The following JHY variants were observed in gnomAD, a reference collection of about 807,000 sequenced individuals.
JHY encodes the protein jhy protein homolog.
In JHY, 69 loss-of-function variants were observed where a neutral mutation model predicts 78.0. The ratio of observed to expected loss-of-function variants is 0.88; its 90% CI spans 0.73 to 1.08. The LOEUF is 1.08. Ranked by LOEUF, JHY falls within the 50% of genes least tolerant of loss-of-function variation. JHY has a pLI of 0.00. For missense variants in JHY, 944 were observed against 927.8 expected, an observed-to-expected ratio of 1.02 and a Z score of -0.23; for synonymous variants, 368 against 342.6, an observed-to-expected ratio of 1.07 and a Z score of -0.82.
intron 3 of JHY, among the ~76,000 whole-genome samples, chr11:122,921,981 A>C (rs1863376280): frequency 6.6e-6 from 1 of 152,206 alleles, no homozygotes; most frequent in African/African-American, 2.4e-5. Context: ...ATCTGGAAAA[A>C]AAAAAGAGAG....
chr11:122,953,108 A>G (rs1426484153), intron 6 of JHY, among the ~76,000 whole-genome samples: 1 of 152,216 alleles, frequency 6.6e-6, no homozygotes, highest in African/African-American at 2.4e-5. Context: ...TTCTATGGCT[A>G]TTAACGTATC....
At chr11:122,944,353 T>C (rs1863925849) in intron 5 of JHY, among the ~76,000 whole-genome samples, 1 of 152,236 alleles carries the variant, frequency 6.6e-6, no homozygotes, top group African/African-American at 2.4e-5. Context: ...AGAATTTTCT[T>C]TATTTTTCCT....
chr11:122,906,528 A>G (rs1177022071), intron 3 of JHY, among the ~76,000 whole-genome samples: 27 of 152,144 alleles, frequency 1.8e-4, no homozygotes, highest in Non-Finnish European at 7.4e-5. Flanking sequence ...TTTATCTCAA[A>G]CTAGGACAAT....
intron 5 of JHY, among the ~76,000 whole-genome samples, chr11:122,938,444 C>T (rs1422844335): frequency 6.6e-6 from 1 of 152,050 alleles, no homozygotes; most frequent in African/African-American, 2.4e-5. Context: ...GAATGCTCCT[C>T]GTTTTATAGC....
rs369843295 is a variant in JHY at position 122,946,686 on chromosome 11, C to T, written c.1823C>T (p.Ser608Leu). 6.2e-7 allele frequency: 1 copy of T among 1,613,894 alleles called. No individual in the cohort carries two copies. The highest frequency in any genetic ancestry group is 1.3e-5 in the African/African-American group (1 of 74,894). ...SRVESESQLSSERSQRNQVKI... is the reference protein window; with the variant it reads ...SRVESESQLSLERSQRNQVKI... ...GTAGAAAGTGAATCCCAACTCAGTT[C>T]AGAGAGAAGCCAAAGAAACCAAGTG... Residue 608 changes from serine (S) to leucine (L), a missense_variant, in exon 6 of 9, where the codon TCA (serine) becomes TTA (leucine). Physicochemically the swap from Ser to Leu is moderately radical, Grantham distance 145. Coordinates refer to ENST00000227349, the MANE Select transcript of JHY (RefSeq NM_024806.4).
intron 4 of JHY, 77 bp downstream of exon 4, chr11:122,925,087 T>C: frequency 8.8e-7 from 1 of 1,142,508 alleles, no homozygotes. Flanking sequence ...ACTGAGTTCT[T>C]ATCACTTAAG....
Position 122,934,574 on chromosome 11 carries a change from C to G in JHY, c.1133C>G (p.Ser378Cys). 1 of 1,614,116 alleles carries G rather than the reference C, an allele frequency of 6.2e-7. No homozygotes were observed. Among genetic ancestry groups the G allele is most frequent in the South Asian group, 1.1e-5 (1 of 91,078 alleles). The part of the protein sequence containing the change: ...KQCKHQNGLK[S>C]STTEEVTASQ... ...TGTAAACACCAGAATGGCCTGAAGTCTTCCACAACGGAAGAGGTGACTGCC... is the reference window on the plus strand; with the variant it reads ...TGTAAACACCAGAATGGCCTGAAGTGTTCCACAACGGAAGAGGTGACTGCC... The change falls in exon 5 of 9, where the codon TCT becomes TGT. Residue 378 changes from serine (S) to cysteine (C), a missense_variant. Ser to Cys is a moderately radical substitution (Grantham distance 112). Transcript: ENST00000227349.
chr11:122,949,129 G>A (rs894715571), intron 6 of JHY, among the ~76,000 whole-genome samples: 1 of 151,830 alleles, frequency 6.6e-6, no homozygotes, highest in Non-Finnish European at 1.5e-5. Context: ...GGGAGTACCA[G>A]TACGAACAAA....
At chr11:122,934,184 A>G (rs1004823225) in intron 4 of JHY, among the ~76,000 whole-genome samples, 2 of 151,974 alleles carry the variant, frequency 1.3e-5, no homozygotes, top group African/African-American at 4.8e-5. Flanking sequence ...TCAACCCCCA[A>G]TTTGGAAAAC....
Position 122,883,321 on chromosome 11 carries a change from A to G in JHY, c.-90+349A>G, listed in dbSNP as rs1199167585. Among the ~76,000 whole-genome samples, 1 of 152,138 alleles carries G rather than the reference A, an allele frequency of 6.6e-6. No individual in the cohort carries two copies. Among genetic ancestry groups the G allele is most frequent in the Non-Finnish European group, 1.5e-5 (1 of 68,022 alleles). On this transcript the variant is annotated intron_variant, in intron 1 of 8. Transcript: ENST00000227349. The surrounding 1 kb of genome is among the most constrained non-coding windows in gnomAD (Gnocchi z 4.4). ...AGGAACAAGCAAAGGTAGAAAACCG[A>G]ACGCCTCCCCTGGGCAGCTTCCGGC... is the stretch of plus-strand genomic sequence containing the variant.
intron 3 of JHY, among the ~76,000 whole-genome samples, chr11:122,914,429 G>A (rs1486139647): frequency 6.6e-6 from 1 of 151,478 alleles, no homozygotes; most frequent in African/African-American, 2.4e-5. Context: ...TTTTTGTTTT[G>A]TTTTGTTTTT....
intron 3 of JHY, among the ~76,000 whole-genome samples, chr11:122,924,306 G>A (rs968371351): frequency 2.0e-5 from 3 of 152,054 alleles, no homozygotes; most frequent in Non-Finnish European, 2.9e-5. Flanking sequence ...TGCAGGCTCC[G>A]GAGATAGACC....
intron 3 of JHY, among the ~76,000 whole-genome samples, chr11:122,922,186 C>CCT (rs1863380856): frequency 6.6e-6 from 1 of 152,102 alleles, no homozygotes; most frequent in Non-Finnish European, 1.5e-5. Context: ...AATGAAAATT[C>CCT]AAGCACAAAA....
chr11:122,938,489 T>C (rs901253217), intron 5 of JHY, among the ~76,000 whole-genome samples: 1 of 152,178 alleles, frequency 6.6e-6, no homozygotes, highest in Non-Finnish European at 1.5e-5. Context: ...ACATCCTTTT[T>C]TCTCAACGTC....
At chr11:122,895,051 A>G (rs1167042040) in intron 2 of JHY, among the ~76,000 whole-genome samples, 1 of 152,186 alleles carries the variant, frequency 6.6e-6, no homozygotes, top group Non-Finnish European at 1.5e-5. Context: ...GATTTATTTC[A>G]TTTTATTTAC....
chr11:122,908,170 C>G (rs184260835), intron 3 of JHY, among the ~76,000 whole-genome samples: 1 of 152,030 alleles, frequency 6.6e-6, no homozygotes, highest in Non-Finnish European at 1.5e-5. Context: ...TGAGAATCAC[C>G]GATCTAGAGC....
chr11:122,938,475 T>A (rs777229695), intron 5 of JHY, among the ~76,000 whole-genome samples: 113 of 152,306 alleles, frequency 7.4e-4, no homozygotes, highest in Non-Finnish European at 1.3e-3. Context: ...TGTTCATGGA[T>A]ACAACATCCT....
At chr11:122,943,356 A>G (rs779266409) in intron 5 of JHY, among the ~76,000 whole-genome samples, 1 of 152,182 alleles carries the variant, frequency 6.6e-6, no homozygotes, top group Non-Finnish European at 1.5e-5. Flanking sequence ...ATATTTTTTG[A>G]TACTTGTTTT....
intron 4 of JHY, among the ~76,000 whole-genome samples, chr11:122,930,178 G>A (rs775512837): frequency 3.3e-5 from 5 of 152,144 alleles, no homozygotes; most frequent in Non-Finnish European, 5.9e-5. Flanking sequence ...CCTCCCAGGT[G>A]CAAGCGATTC....
Sources: gnomAD v4.1 joint callset for allele counts (sites outside exome capture counted in the v4.1 genomes callset) on GRCh38, gnomAD v4.1.1 for gene constraint, Gnocchi (gnomAD v3.1) non-coding constraint, MANE v1.5 for transcripts, NCBI Gene and HGNC (gene_info 2026-07-23, HGNC 2026-07-21) for gene names.